The following SPEN variants were observed in gnomAD, a reference collection of about 807,000 sequenced individuals.
SPEN encodes msx2-interacting protein.
Under a neutral mutation model 269.9 loss-of-function variants are expected in SPEN, and 18 were observed. The observed-to-expected ratio is 0.07, with a 90% CI of 0.05 to 0.10. The LOEUF (loss-of-function observed/expected upper bound fraction) is 0.10, where lower values mean the gene tolerates loss of function less well. SPEN is among the 10% of genes least tolerant of loss of function. The probability of loss-of-function intolerance (pLI) is 1.00; values close to 1 mark genes in which losing one functional copy is unlikely to be tolerated. For synonymous variants in SPEN, 1,726 were observed against 1,765.7 expected, an observed-to-expected ratio of 0.98 and a Z score of 0.56; for missense variants, 3,822 against 4,631.2, an observed-to-expected ratio of 0.83 and a Z score of 5.07.
intron 1 of SPEN, among the ~76,000 whole-genome samples, chr1:15,871,232 T>C (rs2070569809): frequency 6.6e-6 from 1 of 152,158 alleles, no homozygotes; most frequent in South Asian, 2.1e-4. Context: ...CCTCCCAAAG[T>C]GCTGGGATTT....
At position 15,932,532 on chromosome 1, in the gene SPEN, G is replaced by T; in HGVS notation, c.6292G>T (p.Ala2098Ser). Reference sequence around the variant, plus strand: ...ATCTGCAAGTCTGAAAAATGTGGATGCTGCTGTCAGTCCCAGGGGGGCTGC... The same window carrying T: ...ATCTGCAAGTCTGAAAAATGTGGATTCTGCTGTCAGTCCCAGGGGGGCTGC... ...DKSASLKNVD[A>S]AVSPRGAAAQ... Residue 2098 changes from alanine to serine, a missense_variant, in exon 11 of 15, where the codon GCT (alanine) becomes TCT (serine). Coordinates refer to ENST00000375759, the MANE Select transcript of SPEN (RefSeq NM_015001.3). This position sits in a 1 kb window ranked among gnomAD's most constrained non-coding sequence, Gnocchi z 4.2. 6.3e-7 allele frequency: 1 copy of T among 1,599,764 alleles called. No homozygotes were observed. The highest frequency in any genetic ancestry group is 8.5e-7 in the Non-Finnish European group (1 of 1,171,258).
At chr1:15,902,010 C>T in intron 3 of SPEN, among the ~76,000 whole-genome samples, 1 of 149,284 alleles carries the variant, frequency 6.7e-6, no homozygotes, top group East Asian at 2.0e-4. Flanking sequence ...CTCGCTGCAA[C>T]CTCCACTTCC....
intron 3 of SPEN, among the ~76,000 whole-genome samples, chr1:15,889,929 G>A (rs2070773249): frequency 6.6e-6 from 1 of 152,056 alleles, no homozygotes; most frequent in Non-Finnish European, 1.5e-5. Flanking sequence ...TGGCCAGGCT[G>A]GTCTCGAACT....
intron 1 of SPEN, among the ~76,000 whole-genome samples, chr1:15,852,179 C>A (rs2070342515): frequency 6.6e-6 from 1 of 152,060 alleles, no homozygotes; most frequent in South Asian, 2.1e-4. Flanking sequence ...TATTTTTAGA[C>A]TTAAACAAAT....
intron 4 of SPEN, among the ~76,000 whole-genome samples, chr1:15,910,148 A>T (rs1158651407): frequency 6.6e-6 from 1 of 151,288 alleles, no homozygotes; most frequent in East Asian, 1.9e-4. Context: ...AAAAAAAAAA[A>T]AAATTATTTA....
chr1:15,874,312 G>T (rs2070610682), intron 2 of SPEN: 1 of 1,366,278 alleles, frequency 7.3e-7, no homozygotes, highest in Non-Finnish European at 9.8e-7. Flanking sequence ...CCCATAAGAG[G>T]GGCCAAAATT....
At chr1:15,938,594 ATC>A in intron 13 of SPEN, 122 bp from the exon 14 acceptor site, 1 of 454,828 alleles carries the variant, frequency 2.2e-6, no homozygotes, top group East Asian at 4.1e-5. Flanking sequence ...TCATTCAAAT[ATC>A]AGGGTAGCCT....
At chr1:15,924,570 C>T (rs976910285) in intron 10 of SPEN, among the ~76,000 whole-genome samples, 2 of 152,102 alleles carry the variant, frequency 1.3e-5, no homozygotes, top group Non-Finnish European at 2.9e-5. Flanking sequence ...AAGCGATTCT[C>T]CTGCCTCGGG....
Position 15,898,233 on chromosome 1 carries a change from C to T in SPEN, c.882-11088C>T, listed in dbSNP as rs545544748. 8.8e-5 allele frequency among the ~76,000 whole-genome samples: 13 copies of T among 148,546 alleles called. No homozygotes were observed. In the East Asian group the frequency reaches 1.0e-3, roughly 11 times the overall value. On this transcript the variant is annotated intron_variant, in intron 3 of 14. Transcript: ENST00000375759. ...TGTAAAATAAAATTTACCATTTTAA[C>T]GACTTTTAAGTGTTCAGTTCAGTGG...
chr1:15,895,678 C>CT (rs746305617), intron 3 of SPEN, among the ~76,000 whole-genome samples: 14,797 of 129,644 alleles, frequency 0.11, 1,172 homozygotes, highest in African/African-American at 0.18. Context: ...TATACTTAAC[C>CT]TTTTTTTTTT....
intron 2 of SPEN, chr1:15,873,865 G>C: frequency 8.3e-6 from 9 of 1,082,416 alleles, no homozygotes; most frequent in Non-Finnish European, 1.0e-5. Flanking sequence ...TTGCTGTCAA[G>C]ATTCCACTAG....
chr1:15,863,234 G>A (rs1227470228), intron 1 of SPEN, among the ~76,000 whole-genome samples: 1 of 152,116 alleles, frequency 6.6e-6, no homozygotes, highest in Non-Finnish European at 1.5e-5. Flanking sequence ...GGGTGACAGT[G>A]ACGCTGTCTC....
Position 15,937,985 on chromosome 1 carries a change from A to G in SPEN, c.10683A>G (p.Glu3561=), listed in dbSNP as rs2071293752. ...QRMRLEATQL[E]GVARRMTVET... ...TGCGGCTGGAGGCAACGCAGCTGGA[A>G]GGGGTTGCCCGAAGGATGACGGTAA... The change falls in exon 13 of 15, where the codon GAA becomes GAG. Residue 3561 remains glutamate (E), a synonymous_variant. Transcript: ENST00000375759. This position sits in a 1 kb window ranked among gnomAD's most constrained non-coding sequence, Gnocchi z 5.7. 2 of 1,610,962 alleles carry G rather than the reference A, an allele frequency of 1.2e-6. No homozygotes were observed. The highest frequency in any genetic ancestry group is 2.2e-5 in the South Asian group (2 of 90,940).
rs374454033 is a variant in SPEN, at chr1:15,929,123, G to A, written c.2883G>A (p.Arg961=). 1.1e-5 allele frequency: 17 copies of A among 1,614,066 alleles called. No individual in the cohort carries two copies. The highest frequency in any genetic ancestry group is 1.7e-5 in the Admixed American group (1 of 60,010). Residue 961 remains arginine (R), a synonymous_variant, in exon 11 of 15, where the codon AGG becomes AGA. Coordinates refer to ENST00000375759, the MANE Select transcript of SPEN (RefSeq NM_015001.3). The surrounding 1 kb of genome is among the most constrained non-coding windows in gnomAD (Gnocchi z 5.8). ...AGAAGGAAGGCAGGCTTAAAGCCAGGAAGCACCTCAAGCCTGAGCAGCCTG... is the reference window on the plus strand; with the variant it reads ...AGAAGGAAGGCAGGCTTAAAGCCAGAAAGCACCTCAAGCCTGAGCAGCCTG... ...VVEKEGRLKA[R]KHLKPEQPAD... is the part of the protein sequence containing the mutation.
At chr1:15,915,815 A>C (rs2071062049) in intron 5 of SPEN, among the ~76,000 whole-genome samples, 1 of 152,192 alleles carries the variant, frequency 6.6e-6, no homozygotes, top group African/African-American at 2.4e-5. Flanking sequence ...CTGGAATTAC[A>C]GGCATGAGCC....
intron 3 of SPEN, among the ~76,000 whole-genome samples, chr1:15,880,030 A>G (rs1279531798): frequency 1.3e-5 from 2 of 152,156 alleles, no homozygotes; most frequent in East Asian, 3.8e-4. Flanking sequence ...GCCAGTGTTT[A>G]AAAAATTGGA....
chr1:15,918,852 C>T, intron 6 of SPEN, 74 bp from the exon 7 acceptor site: 2 of 1,250,422 alleles, frequency 1.6e-6, no homozygotes, highest in South Asian at 2.7e-5. Flanking sequence ...GAAATAAATA[C>T]CCTATATGGA....
intron 5 of SPEN, among the ~76,000 whole-genome samples, chr1:15,913,975 G>A (rs756323087): frequency 1.3e-5 from 2 of 152,204 alleles, no homozygotes; most frequent in South Asian, 2.1e-4. Context: ...TCTGCCTTTC[G>A]GAGCACAAAC....
Position 15,876,104 on chromosome 1 carries a change from C to T in SPEN, c.405-98C>T. On this transcript the variant is annotated intron_variant, in intron 2 of 14. Coordinates refer to ENST00000375759, the MANE Select transcript of SPEN (RefSeq NM_015001.3). ...ATGCTGTTTAGAAAATGACCAGTTG[C>T]AAAGACAAAGACAATGCTGAAGTGA... 4.4e-6 allele frequency: 4 copies of T among 915,812 alleles called. No homozygotes were observed. In the South Asian group the frequency reaches 4.8e-5, roughly 11 times the overall value. The allele number at this position is 915,812 out of a possible 1,614,324, so 56.7% of individuals were successfully genotyped here.
Sources: gnomAD v4.1 joint callset for allele counts (sites outside exome capture counted in the v4.1 genomes callset) on GRCh38, gnomAD v4.1.1 for gene constraint, Gnocchi (gnomAD v3.1) non-coding constraint, MANE v1.5 for transcripts, NCBI Gene and HGNC (gene_info 2026-07-23, HGNC 2026-07-21) for gene names.